The following CNBD1 variants were observed in gnomAD, a reference collection of about 807,000 sequenced individuals.
The protein encoded by CNBD1 is cyclic nucleotide binding domain containing 1, also known as cyclic nucleotide-binding domain-containing protein 1.
A neutral mutation model predicts 54.4 loss-of-function variants in CNBD1; 71 were observed. The ratio of observed to expected loss-of-function variants is 1.30; its 90% confidence interval spans 1.08 to 1.59. CNBD1 has a LOEUF of 1.59. Ranked by LOEUF, CNBD1 falls within the 40% of genes most tolerant of loss-of-function variation. The probability of loss-of-function intolerance (pLI) is 0.00; values close to 1 mark genes in which losing one functional copy is unlikely to be tolerated. For missense variants in CNBD1, 659 were observed against 518.0 expected (o/e 1.27, Z -2.64); for synonymous variants, 182 against 170.7 (o/e 1.07, Z -0.51).
At chr8:87,099,498 T>C (rs1056480623) in intron 4 of CNBD1, among the ~76,000 whole-genome samples, 2 of 152,188 alleles carry the variant, frequency 1.3e-5, no homozygotes, top group Non-Finnish European at 2.9e-5. Flanking sequence ...TCGTCAATGC[T>C]AAGATGAGTG....
At chr8:86,876,470 T>G (rs149165713) in intron 1 of CNBD1, among the ~76,000 whole-genome samples, 1 of 152,052 alleles carries the variant, frequency 6.6e-6, no homozygotes, top group African/African-American at 2.4e-5. Flanking sequence ...TCTTTTTGTT[T>G]AGATATGCCT....
intron 4 of CNBD1, among the ~76,000 whole-genome samples, chr8:86,956,992 G>A (rs1314260871): frequency 6.6e-6 from 1 of 152,136 alleles, no homozygotes; most frequent in Non-Finnish European, 1.5e-5. Context: ...TTATTATTTT[G>A]AGATATGTCC....
At chr8:87,414,058 A>T (rs1365356012) in intron 2 of CNBD1, among the ~76,000 whole-genome samples, 7 of 152,174 alleles carry the variant, frequency 4.6e-5, no homozygotes, top group Non-Finnish European at 1.0e-4. Context: ...TGATACTATA[A>T]AGACACATGC....
At chr8:87,192,978 A>G (rs949272566) in intron 4 of CNBD1, among the ~76,000 whole-genome samples, 2 of 152,226 alleles carry the variant, frequency 1.3e-5, no homozygotes, top group Admixed American at 1.3e-4. Context: ...AACAGAAAAT[A>G]AGTGGTAATC....
chr8:87,180,457 C>T (rs1813288719), intron 4 of CNBD1, among the ~76,000 whole-genome samples: 1 of 152,096 alleles, frequency 6.6e-6, no homozygotes. Flanking sequence ...TTGGCATACT[C>T]CAGTTTTAAC....
downstream of CNBD1, among the ~76,000 whole-genome samples, chr8:87,386,169 A>AGAGCAAAAAAACT (rs1358982100): frequency 9.9e-5 from 15 of 152,174 alleles, no homozygotes; most frequent in Non-Finnish European, 1.9e-4. Context: ...GGGAAAAAAC[A>AGAGCAAAAAAACT]GAGCAAAAAA....
chr8:87,089,745 T>C (rs1180604428), intron 4 of CNBD1, among the ~76,000 whole-genome samples: 1 of 152,114 alleles, frequency 6.6e-6, no homozygotes, highest in Non-Finnish European at 1.5e-5. Flanking sequence ...TACTTTACTT[T>C]TTTTTCTCAA....
chr8:87,071,057 A>G (rs891778007), intron 4 of CNBD1, among the ~76,000 whole-genome samples: 1 of 152,096 alleles, frequency 6.6e-6, no homozygotes, highest in South Asian at 2.1e-4. Flanking sequence ...GATTAAAAAA[A>G]CAGTTTTTTA....
chr8:86,948,375 A>G (rs1036841240), intron 4 of CNBD1, among the ~76,000 whole-genome samples: 1 of 152,154 alleles, frequency 6.6e-6, no homozygotes, highest in East Asian at 1.9e-4. Context: ...ATTCCCACCA[A>G]CAGTATACAA....
intron 4 of CNBD1, among the ~76,000 whole-genome samples, chr8:87,112,913 G>A (rs1811693554): frequency 6.6e-6 from 1 of 152,322 alleles, no homozygotes; most frequent in Admixed American, 6.5e-5. Context: ...CCTTTGTGAG[G>A]CAGGGTTCTC....
At chr8:87,073,429 GTGAGCTTATCCACTTTTGATCTT>G (rs547607639) in intron 4 of CNBD1, among the ~76,000 whole-genome samples, 123 of 152,188 alleles carry the variant, frequency 8.1e-4, no homozygotes, top group African/African-American at 2.9e-3. Flanking sequence ...TCTTATCTTT[GTGAGCTTATCCACTTTTGATCTT>G]TGAGGTTGCT....
chr8:87,367,119 G>C (rs1202541918), intron 10 of CNBD1, among the ~76,000 whole-genome samples: 1 of 151,988 alleles, frequency 6.6e-6, no homozygotes, highest in Non-Finnish European at 1.5e-5. Flanking sequence ...TTACACATGA[G>C]ATTATATGTG....
chr8:87,375,445 C>G (rs1400958565), intron 10 of CNBD1, among the ~76,000 whole-genome samples: 1 of 151,600 alleles, frequency 6.6e-6, no homozygotes, highest in Admixed American at 6.6e-5. Flanking sequence ...GTTAATAGAA[C>G]AAGGCTTAGA....
chr8:87,065,093 G>A (rs1810621514), intron 4 of CNBD1, among the ~76,000 whole-genome samples: 1 of 151,910 alleles, frequency 6.6e-6, no homozygotes, highest in African/African-American at 2.4e-5. Context: ...ATTTGGTGGT[G>A]TCTTTCAGTC....
chr8:87,210,437 G>T (rs1032737371), intron 5 of CNBD1, among the ~76,000 whole-genome samples: 1 of 152,188 alleles, frequency 6.6e-6, no homozygotes, highest in Admixed American at 6.5e-5. Flanking sequence ...GTGGGAAAAA[G>T]GCTTCAAAGG....
chr8:87,273,736 A>C (rs1005399506), intron 6 of CNBD1, among the ~76,000 whole-genome samples: 2 of 152,032 alleles, frequency 1.3e-5, no homozygotes, highest in East Asian at 3.9e-4. Flanking sequence ...ATAGCTCTTT[A>C]AAAGATTTTT....
intron 2 of CNBD1, among the ~76,000 whole-genome samples, chr8:87,397,424 A>T (rs940187057): frequency 6.6e-6 from 1 of 151,976 alleles, no homozygotes; most frequent in Admixed American, 6.6e-5. Context: ...AGTGCAAGAC[A>T]TGATATTCGG....
At chr8:87,399,282 G>A (rs1811458930) in intron 2 of CNBD1, among the ~76,000 whole-genome samples, 1 of 151,964 alleles carries the variant, frequency 6.6e-6, no homozygotes, top group Admixed American at 6.6e-5. Context: ...TTGTCGTGAG[G>A]ATACCCAGCC....
At position 87,421,496 on chromosome 8, in the gene CNBD1, A is replaced by G. The variant is rs71504326; in HGVS notation, c.214-7050A>G. On this transcript the variant is annotated intron_variant, in intron 2 of 7. Coordinates refer to the CNBD1 transcript ENST00000521593. ...TGTGTCCATGTGATCTCATTGTTCA[A>G]TTCCCACCTATGAGTGAGAATATGC... 7.5e-3 allele frequency among the ~76,000 whole-genome samples: 1,063 copies of G among 142,480 alleles called. 8 individuals are homozygous for G. The highest frequency in any genetic ancestry group is 0.018 in the Middle Eastern group (5 of 272). 93.5% of individuals were successfully genotyped at this position (142,480 alleles called of 152,430 possible).
Sources: allele counts gnomAD v4.1 joint callset (sites outside exome capture counted in the v4.1 genomes callset), GRCh38; gene constraint gnomAD v4.1.1; transcripts MANE v1.5; gene names NCBI Gene and HGNC (gene_info 2026-07-23, HGNC 2026-07-21).